The following MTHFD2L variants were observed in gnomAD, a reference collection of about 807,000 sequenced individuals.
MTHFD2L encodes the protein methylenetetrahydrofolate dehydrogenase (NADP+ dependent) 2 like, also known as bifunctional methylenetetrahydrofolate dehydrogenase/cyclohydrolase 2, mitochondrial.
A neutral mutation model predicts 34.9 loss-of-function variants in MTHFD2L; 29 were observed. That is an observed-to-expected ratio of 0.83 (90% confidence interval 0.62 to 1.13). The LOEUF (loss-of-function observed/expected upper bound fraction) is 1.13. Ranked by LOEUF, MTHFD2L falls within the 50% of genes most tolerant of loss-of-function variation. The pLI is 0.00. For missense variants in MTHFD2L, 481 were observed against 446.5 expected (o/e 1.08, Z -0.70); for synonymous variants, 167 against 155.7 (o/e 1.07, Z -0.54).
intron 3 of MTHFD2L, chr4:74,180,931 T>TA (rs1460252036): frequency 1.4e-4 from 24 of 168,646 alleles, no homozygotes; most frequent in African/African-American, 6.2e-4. Flanking sequence ...TTTTATTTTA[T>TA]TTTTTTTTAG....
chr4:74,226,033 A>G (rs192482025), intron 6 of MTHFD2L, among the ~76,000 whole-genome samples: 1 of 152,216 alleles, frequency 6.6e-6, no homozygotes, highest in Admixed American at 6.6e-5. Flanking sequence ...CCCAAGCCCA[A>G]ACTTTTATAA....
At chr4:74,187,214 A>G (rs1296129752) in intron 3 of MTHFD2L, among the ~76,000 whole-genome samples, 1 of 152,224 alleles carries the variant, frequency 6.6e-6, no homozygotes, top group Non-Finnish European at 1.5e-5. Flanking sequence ...GGCCAGGAAA[A>G]GAATCAGTAA....
intron 6 of MTHFD2L, among the ~76,000 whole-genome samples, chr4:74,269,165 C>T (rs959292235): frequency 1.3e-5 from 2 of 152,134 alleles, no homozygotes; most frequent in Admixed American, 6.5e-5. Context: ...GACTGTTTTA[C>T]TCTAATATTA....
chr4:74,249,288 A>T (rs368273647), intron 6 of MTHFD2L, among the ~76,000 whole-genome samples: 1 of 151,614 alleles, frequency 6.6e-6, no homozygotes, highest in African/African-American at 2.4e-5. Flanking sequence ...GTTTTATCAG[A>T]GACTAGGATT....
intron 6 of MTHFD2L, among the ~76,000 whole-genome samples, chr4:74,251,041 A>G (rs1319624778): frequency 6.6e-6 from 1 of 151,952 alleles, no homozygotes; most frequent in African/African-American, 2.4e-5. Context: ...CTCCTTCTCC[A>G]CGACTTCAGA....
intron 7 of MTHFD2L, among the ~76,000 whole-genome samples, chr4:74,288,021 C>G (rs529074757): frequency 3.3e-4 from 51 of 152,252 alleles, no homozygotes; most frequent in Non-Finnish European, 6.8e-4. Flanking sequence ...CCATTTTCTC[C>G]CTGTGTCTTC....
At chr4:74,178,734 T>C (rs940531942) in intron 3 of MTHFD2L, among the ~76,000 whole-genome samples, 4 of 152,148 alleles carry the variant, frequency 2.6e-5, no homozygotes, top group African/African-American at 7.2e-5. Flanking sequence ...GTATGCCATT[T>C]ATATTACAAA....
chr4:74,203,459 A>T (rs1239763571), intron 5 of MTHFD2L, among the ~76,000 whole-genome samples: 1 of 152,220 alleles, frequency 6.6e-6, no homozygotes, highest in African/African-American at 2.4e-5. Context: ...AAGACTGGGT[A>T]ATTTCTAAAG....
chr4:74,119,467 C>T (rs1046767718), upstream of MTHFD2L, among the ~76,000 whole-genome samples: 2 of 152,006 alleles, frequency 1.3e-5, no homozygotes, highest in African/African-American at 2.4e-5. Flanking sequence ...CTAAGACTGC[C>T]AACAAAAAGA....
intron 6 of MTHFD2L, among the ~76,000 whole-genome samples, chr4:74,260,297 G>C (rs774114038): frequency 9.9e-5 from 15 of 152,098 alleles, no homozygotes; most frequent in Non-Finnish European, 2.1e-4. Flanking sequence ...TACACTGTCA[G>C]CCCCCGGCTG....
intron 6 of MTHFD2L, 45 bp from the exon 7 acceptor site, chr4:74,281,380 A>C (rs745386316): frequency 6.3e-7 from 1 of 1,594,944 alleles, no homozygotes; most frequent in East Asian, 2.2e-5. Flanking sequence ...ACAGATATGT[A>C]CACCTTTGTT....
chr4:74,253,158 A>G (rs2110203721), intron 6 of MTHFD2L, among the ~76,000 whole-genome samples: 1 of 152,292 alleles, frequency 6.6e-6, no homozygotes, highest in East Asian at 1.9e-4. Context: ...CCAGCTATAT[A>G]AGGAACCAGA....
chr4:74,158,132 C>T lies in MTHFD2L; in HGVS notation c.-7C>T. 6.5e-7 allele frequency: 1 copy of T among 1,530,568 alleles called. No individual in the cohort carries two copies. Among genetic ancestry groups the T allele is most frequent in the South Asian group, 1.2e-5 (1 of 82,594 alleles). 94.8% of individuals were successfully genotyped at this position (1,530,568 alleles called of 1,614,324 possible). ...AGCCCCAGTCCGGAAGCCGGGGATC[C>T]GCGGCCATGACGGTGCCGGTCCGCG... On this transcript the variant is annotated 5_prime_UTR_variant, in exon 1 of 8. Transcript: ENST00000325278.
chr4:74,226,262 A>C (rs1264151341), intron 6 of MTHFD2L, among the ~76,000 whole-genome samples: 1 of 152,164 alleles, frequency 6.6e-6, no homozygotes, highest in Non-Finnish European at 1.5e-5. Context: ...AAATGCATGT[A>C]AACAGTTGTA....
intron 2 of MTHFD2L, among the ~76,000 whole-genome samples, chr4:74,115,224 A>G (rs1721637948): frequency 6.6e-6 from 1 of 152,220 alleles, no homozygotes; most frequent in African/African-American, 2.4e-5. Context: ...ACCATAGGAG[A>G]GACTGCGACA....
chr4:74,161,209 A>G (rs1725391232), intron 1 of MTHFD2L: 1 of 152,160 alleles, frequency 6.6e-6, no homozygotes, highest in Admixed American at 6.5e-5. Context: ...AAAGATACTT[A>G]TTTGTGTTAT....
chr4:74,193,088 T>TTAG (rs1382196635), intron 3 of MTHFD2L, among the ~76,000 whole-genome samples: 1 of 152,204 alleles, frequency 6.6e-6, no homozygotes, highest in Non-Finnish European at 1.5e-5. Context: ...ACTTTTATGT[T>TTAG]TAGATTTCTA....
chr4:74,256,745 A>G (rs1744074228), intron 6 of MTHFD2L, among the ~76,000 whole-genome samples: 1 of 152,178 alleles, frequency 6.6e-6, no homozygotes, highest in Non-Finnish European at 1.5e-5. Context: ...ATTTGCTATA[A>G]TCAAATAGTT....
intron 6 of MTHFD2L, among the ~76,000 whole-genome samples, chr4:74,264,388 C>A (rs907081453): frequency 6.6e-6 from 1 of 151,816 alleles, no homozygotes; most frequent in African/African-American, 2.4e-5. Flanking sequence ...ATTATGAATA[C>A]CTATGTACTC....
Sources: allele counts gnomAD v4.1 joint callset (sites outside exome capture counted in the v4.1 genomes callset), GRCh38; gene constraint gnomAD v4.1.1; transcripts MANE v1.5; gene names NCBI Gene and HGNC (gene_info 2026-07-23, HGNC 2026-07-21).